The following ASAP2 variants were observed in gnomAD, a reference collection of about 807,000 sequenced individuals.
ASAP2 encodes arf-GAP with SH3 domain, ANK repeat and PH domain-containing protein 2.
ASAP2 carries 45 observed loss-of-function variants against 131.4 expected under a neutral mutation model. That is an observed-to-expected ratio of 0.34 (90% CI 0.27 to 0.44). The LOEUF (loss-of-function observed/expected upper bound fraction) is 0.44, where lower values mean the gene tolerates loss of function less well. Among genes scored for constraint, ASAP2 ranks in the 20% least tolerant of loss-of-function variants. The pLI, the probability that ASAP2 is intolerant of heterozygous loss-of-function variation, is 1.00. For synonymous variants in ASAP2, 510 were observed against 503.0 expected (o/e 1.01, Z -0.19); for missense variants, 1,011 against 1,297.0 (o/e 0.78, Z 3.39).
At chr2:9,298,177 G>A (rs1668268352) in intron 3 of ASAP2, among the ~76,000 whole-genome samples, 1 of 152,192 alleles carries the variant, frequency 6.6e-6, no homozygotes, top group Non-Finnish European at 1.5e-5. Flanking sequence ...TCTCCTAAAG[G>A]TCAGGGAAGG....
intron 5 of ASAP2, among the ~76,000 whole-genome samples, chr2:9,322,504 C>T (rs1036170169): frequency 6.7e-6 from 1 of 148,468 alleles, no homozygotes; most frequent in Admixed American, 6.6e-5. Context: ...TTCAAGCCCA[C>T]CTTAGCAGCC....
At chr2:9,306,680 C>T (rs1401066995) in intron 3 of ASAP2, among the ~76,000 whole-genome samples, 2 of 152,028 alleles carry the variant, frequency 1.3e-5, no homozygotes, top group Non-Finnish European at 2.9e-5. Context: ...GCCTCTGCTC[C>T]TGGCTCGCTG....
intron 15 of ASAP2, among the ~76,000 whole-genome samples, chr2:9,363,146 A>G (rs937543644): frequency 6.6e-6 from 1 of 152,200 alleles, no homozygotes; most frequent in South Asian, 2.1e-4. Flanking sequence ...TTTCAGGTCG[A>G]ATAGTATTCC....
intron 14 of ASAP2, among the ~76,000 whole-genome samples, chr2:9,358,310 G>C (rs902341836): frequency 6.6e-6 from 1 of 152,208 alleles, no homozygotes. Flanking sequence ...TACGTTCTCT[G>C]TTATTATCAG....
chr2:9,329,745 G>C (rs769211585), intron 7 of ASAP2, among the ~76,000 whole-genome samples: 4 of 152,188 alleles, frequency 2.6e-5, no homozygotes, highest in Non-Finnish European at 4.4e-5. Flanking sequence ...TGCCATGCCT[G>C]TCTGCTTACC....
At chr2:9,393,674 A>T in intron 24 of ASAP2, 27 bp downstream of exon 24, 1 of 1,545,344 alleles carries the variant, frequency 6.5e-7, no homozygotes, top group Non-Finnish European at 8.7e-7. Flanking sequence ...CAGCTCGGCC[A>T]TCCGTGCTCC....
chr2:9,263,129 C>G (rs930213241), intron 1 of ASAP2, among the ~76,000 whole-genome samples: 4 of 152,196 alleles, frequency 2.6e-5, no homozygotes, highest in Non-Finnish European at 5.9e-5. Context: ...TGCATGCTGG[C>G]TTTCCACTGT....
chr2:9,398,888 C>G (rs1400899669), intron 24 of ASAP2: 1 of 151,996 alleles, frequency 6.6e-6, no homozygotes, highest in Non-Finnish European at 1.5e-5. Flanking sequence ...TCACTGCTGT[C>G]TCAGAGGATC....
At chr2:9,301,975 C>T (rs1018639252) in intron 3 of ASAP2, among the ~76,000 whole-genome samples, 6 of 151,920 alleles carry the variant, frequency 3.9e-5, no homozygotes, top group African/African-American at 7.3e-5. Context: ...AGGTGCCCAC[C>T]GCCATGCCCG....
rs528924194 is a variant in ASAP2 at position 9,400,153 on chromosome 2, A to G, written c.2734+81A>G. The stretch of plus-strand genomic sequence containing the variant: ...GGGGGATGTTTCCTGCCAGGTGGTC[A>G]GGACTGAGGGAGGGCCCAGCTGTCT... On this transcript the variant is annotated intron_variant, in intron 25 of 27. Coordinates refer to ENST00000281419, the MANE Select transcript of ASAP2 (RefSeq NM_003887.3). 1.7e-4 allele frequency: 228 copies of G among 1,308,516 alleles called. 1 individual carries two copies. The African/African-American group carries it at 4.6e-3, about 27-fold the overall frequency. 81.1% of individuals were successfully genotyped at this position (1,308,516 alleles called of 1,614,324 possible). A position where few individuals can be genotyped will look rare whatever the true frequency, so the allele number is the denominator to read the frequency against.
At chr2:9,349,485 C>T (rs1447141476) in intron 11 of ASAP2, among the ~76,000 whole-genome samples, 1 of 152,190 alleles carries the variant, frequency 6.6e-6, no homozygotes, top group African/African-American at 2.4e-5. Context: ...TGGTAACAAT[C>T]CACGATCAGT....
At chr2:9,221,276 C>G (rs909167258) in intron 1 of ASAP2, among the ~76,000 whole-genome samples, 17 of 151,202 alleles carry the variant, frequency 1.1e-4, no homozygotes, top group African/African-American at 4.1e-4. Flanking sequence ...CTATCATAAC[C>G]TCTTCTATCT....
intron 20 of ASAP2, among the ~76,000 whole-genome samples, chr2:9,382,234 T>C (rs1674915281): frequency 6.6e-6 from 1 of 152,232 alleles, no homozygotes; most frequent in Non-Finnish European, 1.5e-5. Context: ...TCCACCCGCC[T>C]TGGCCTCCCA....
At chr2:9,224,751 C>T (rs1348222775) in intron 1 of ASAP2, among the ~76,000 whole-genome samples, 1 of 152,208 alleles carries the variant, frequency 6.6e-6, no homozygotes, top group Admixed American at 6.5e-5. Flanking sequence ...CTTTATGTGT[C>T]CTTTTTTATC....
At chr2:9,355,006 G>A (rs1054378842) in intron 12 of ASAP2, among the ~76,000 whole-genome samples, 2 of 152,160 alleles carry the variant, frequency 1.3e-5, no homozygotes, top group African/African-American at 4.8e-5. Context: ...TTTGGTTTTA[G>A]ACTGCTTTTA....
chr2:9,212,638 T>C (rs891071763), intron 1 of ASAP2, among the ~76,000 whole-genome samples: 1 of 152,164 alleles, frequency 6.6e-6, no homozygotes, highest in Non-Finnish European at 1.5e-5. Flanking sequence ...CACCGGTGCC[T>C]TCCTTTGTGG....
chr2:9,219,407 T>C (rs1219726399), intron 1 of ASAP2, among the ~76,000 whole-genome samples: 1 of 152,208 alleles, frequency 6.6e-6, no homozygotes, highest in East Asian at 1.9e-4. Context: ...GTTAACTGTG[T>C]ATCTGGTCTG....
intron 3 of ASAP2, among the ~76,000 whole-genome samples, chr2:9,315,962 G>T (rs1669644747): frequency 6.6e-6 from 1 of 152,118 alleles, no homozygotes; most frequent in Non-Finnish European, 1.5e-5. Context: ...TAGCAGAATT[G>T]GCTGTGGATG....
chr2:9,282,411 A>G (rs1400160493), intron 2 of ASAP2, among the ~76,000 whole-genome samples: 2 of 152,230 alleles, frequency 1.3e-5, no homozygotes, highest in Admixed American at 6.5e-5. Context: ...CATCATTCAC[A>G]GTGTCTTTAG....
Sources: allele counts gnomAD v4.1 joint callset (sites outside exome capture counted in the v4.1 genomes callset), GRCh38; gene constraint gnomAD v4.1.1; transcripts MANE v1.5; gene names NCBI Gene and HGNC (gene_info 2026-07-23, HGNC 2026-07-21).